THRAP3: variants seen among roughly 807,000 people sequenced by gnomAD.
The protein encoded by THRAP3 is thyroid hormone receptor associated protein 3, also known as thyroid hormone receptor-associated protein 3.
THRAP3 carries 16 observed loss-of-function variants against 101.0 expected under a neutral mutation model. That is an observed-to-expected ratio of 0.16 (90% CI 0.11 to 0.24). The LOEUF (loss-of-function observed/expected upper bound fraction) is 0.24. THRAP3 is among the 10% of genes least tolerant of loss of function. The pLI is 1.00. For missense variants in THRAP3, 989 were observed against 1,202.7 expected (o/e 0.82, Z 2.63); for synonymous variants, 407 against 422.6 (o/e 0.96, Z 0.45).
intron 1 of THRAP3, among the ~76,000 whole-genome samples, chr1:36,249,617 G>A (rs1297339908): frequency 6.6e-6 from 1 of 151,734 alleles, no homozygotes; most frequent in African/African-American, 2.4e-5. Flanking sequence ...GAGAATTAGG[G>A]GAAGGTTTTA....
At position 36,272,243 on chromosome 1, in the gene THRAP3, C is replaced by T. The variant is rs115162290; in HGVS notation, c.-31-10290C>T. Among the ~76,000 whole-genome samples, 702 of 152,166 alleles carry T rather than the reference C, an allele frequency of 4.6e-3. 4 individuals carry two copies. Among genetic ancestry groups the T allele is most frequent in the African/African-American group, 0.016 (647 of 41,522 alleles). On this transcript the variant is annotated intron_variant, in intron 2 of 11. Transcript: ENST00000354618. Reference sequence around the variant, plus strand: ...ACCATTCTCCCCAGAGGGACATCACCCCCACTTTTTAGGAGAGTACCCAAT... The same window carrying T: ...ACCATTCTCCCCAGAGGGACATCACTCCCACTTTTTAGGAGAGTACCCAAT...
At chr1:36,274,567 G>C (rs1243229760) in intron 2 of THRAP3, among the ~76,000 whole-genome samples, 1 of 150,720 alleles carries the variant, frequency 6.6e-6, no homozygotes, top group Non-Finnish European at 1.5e-5. Context: ...AGACAGACAG[G>C]TCAGTAGAAT....
intron 1 of THRAP3, among the ~76,000 whole-genome samples, chr1:36,254,730 G>GA (rs1220621490): frequency 1.3e-5 from 2 of 151,922 alleles, no homozygotes; most frequent in Admixed American, 1.3e-4. Context: ...TAATCTGGGG[G>GA]AAAAAAAGAA....
chr1:36,252,767 C>T (rs1168898639), intron 1 of THRAP3, among the ~76,000 whole-genome samples: 4 of 151,518 alleles, frequency 2.6e-5, no homozygotes, highest in South Asian at 4.2e-4. Context: ...ATTAGCCAGG[C>T]ATTGTGGCGC....
In THRAP3 at chr1:36,304,053, G is replaced by T; in HGVS notation, c.*36G>T. ...TGACGGGATTCCTGCCCAGGGGAGAGAGGCGCTGGGAAGATGGCTGGTGAG... is the reference window on the plus strand; with the variant it reads ...TGACGGGATTCCTGCCCAGGGGAGATAGGCGCTGGGAAGATGGCTGGTGAG... On this transcript the variant is annotated 3_prime_UTR_variant, in exon 12 of 12. Coordinates refer to ENST00000354618, the MANE Select transcript of THRAP3 (RefSeq NM_005119.4). 6.8e-7 allele frequency: 1 copy of T among 1,463,904 alleles called. No individual in the cohort carries two copies. The highest frequency in any genetic ancestry group is 9.0e-7 in the Non-Finnish European group (1 of 1,106,498). The allele number at this position is 1,463,904 out of a possible 1,614,324, so 90.7% of individuals were successfully genotyped here.
chr1:36,277,913 C>T (rs1645681650), intron 2 of THRAP3, among the ~76,000 whole-genome samples: 1 of 151,992 alleles, frequency 6.6e-6, no homozygotes, highest in Admixed American at 6.6e-5. Flanking sequence ...GTTCCTGCTG[C>T]CACACCCAGC....
chr1:36,291,304 T>G, intron 5 of THRAP3, 70 bp from the exon 6 acceptor site: 20 of 1,468,950 alleles, frequency 1.4e-5, no homozygotes, highest in Non-Finnish European at 1.7e-5. Context: ...TTCAAAAAAG[T>G]ATTTTTATGG....
At chr1:36,301,730 GGGC>G in intron 11 of THRAP3, 34 bp downstream of exon 11, 1 of 1,593,638 alleles carries the variant, frequency 6.3e-7, no homozygotes, top group South Asian at 1.1e-5. Context: ...AAGGGTTAGA[GGGC>G]CTTTGACACA....
At chr1:36,251,782 T>G (rs574339946) in intron 1 of THRAP3, among the ~76,000 whole-genome samples, 2 of 152,204 alleles carry the variant, frequency 1.3e-5, no homozygotes, top group Admixed American at 6.5e-5. Context: ...TCTGAGAACT[T>G]TATACATATA....
At chr1:36,220,017 T>C (rs1644894430), upstream of THRAP3, among the ~76,000 whole-genome samples, 1 of 152,138 alleles carries the variant, frequency 6.6e-6, no homozygotes, top group African/African-American at 2.4e-5. Flanking sequence ...TTTTTTGGGA[T>C]GGAGTCCCAC....
In THRAP3 at chr1:36,291,387, T is replaced by C. The variant is rs749992972; in HGVS notation, c.1759T>C (p.Leu587=). Residue 587 remains leucine (L), a synonymous_variant, in exon 6 of 12, where the codon TTG becomes CTG. Transcript: ENST00000354618. ...TTTCTTTTTCAGACCCAGTGGCTTATTGGCTCAGGAACGCAAGCTTTGCCG... is the reference window on the plus strand; with the variant it reads ...TTTCTTTTTCAGACCCAGTGGCTTACTGGCTCAGGAACGCAAGCTTTGCCG... The part of the protein sequence containing the change: ...DEDLARPSGL[L]AQERKLCRDL... 2.5e-6 allele frequency: 4 copies of C among 1,613,866 alleles called. No individual in the cohort carries two copies. In the South Asian group the frequency reaches 3.3e-5, roughly 13 times the overall value.
intron 2 of THRAP3, among the ~76,000 whole-genome samples, chr1:36,274,390 A>G (rs1020037135): frequency 2.0e-5 from 3 of 152,170 alleles, no homozygotes; most frequent in African/African-American, 7.2e-5. Context: ...AAAATCCCAG[A>G]TGGTCTTTTT....
chr1:36,263,182 C>T (rs1645469801), intron 2 of THRAP3, among the ~76,000 whole-genome samples: 1 of 136,482 alleles, frequency 7.3e-6, no homozygotes, highest in Non-Finnish European at 1.6e-5. Flanking sequence ...TCACTGCAAC[C>T]TTGACCTCCC....
At chr1:36,293,976 G>A (rs1645915383) in intron 8 of THRAP3, 41 bp downstream of exon 8, 1 of 1,592,444 alleles carries the variant, frequency 6.3e-7, no homozygotes, top group Admixed American at 1.7e-5. Flanking sequence ...CAAAATGAGT[G>A]CGTTGGGCAT....
chr1:36,280,348 G>C (rs1557442644), intron 2 of THRAP3, among the ~76,000 whole-genome samples: 2 of 152,162 alleles, frequency 1.3e-5, no homozygotes. Flanking sequence ...TTGTTATAGA[G>C]CTTACATTCT....
intron 2 of THRAP3, among the ~76,000 whole-genome samples, chr1:36,271,286 A>AT (rs968024419): frequency 5.9e-5 from 9 of 151,494 alleles, no homozygotes; most frequent in African/African-American, 1.9e-4. Flanking sequence ...ACACAGGCAA[A>AT]TTTTTTTTTC....
the THRAP3 span, among the ~76,000 whole-genome samples, chr1:36,212,445 G>A: frequency 9.6e-5 from 11 of 114,590 alleles, no homozygotes; most frequent in Admixed American, 6.4e-4. Flanking sequence ...TTTTGAGACT[G>A]AGTCTTGCTC....
chr1:36,227,608 G>C (rs1644976660), intron 1 of THRAP3, among the ~76,000 whole-genome samples: 1 of 152,140 alleles, frequency 6.6e-6, no homozygotes, highest in African/African-American at 2.4e-5. Flanking sequence ...GAGGAAGGAA[G>C]GGGTTTCAGG....
At chr1:36,216,519 A>AAT in the THRAP3 span, among the ~76,000 whole-genome samples, 4 of 145,566 alleles carry the variant, frequency 2.7e-5, no homozygotes, top group Admixed American at 6.9e-5. Flanking sequence ...AAAAAAAAAA[A>AAT]TGCCGGGTGT....
Sources: allele counts gnomAD v4.1 joint callset (sites outside exome capture counted in the v4.1 genomes callset), GRCh38; gene constraint gnomAD v4.1.1; transcripts MANE v1.5; gene names NCBI Gene and HGNC (gene_info 2026-07-23, HGNC 2026-07-21).